Variants in VSNL1 observed in about 807,000 individuals in gnomAD.
VSNL1 encodes visinin-like protein 1.
In VSNL1, 6 loss-of-function variants were observed where a neutral mutation model predicts 20.4. That is an observed-to-expected ratio of 0.29 (90% CI 0.16 to 0.58). The LOEUF (loss-of-function observed/expected upper bound fraction) is 0.58. Among genes scored for constraint, VSNL1 ranks in the 20% least tolerant of loss-of-function variants. The pLI is 0.90. For synonymous variants in VSNL1, 93 were observed against 86.4 expected (o/e 1.08, Z -0.42); for missense variants, 100 against 234.5 (o/e 0.43, Z 3.75).
intron 1 of VSNL1, among the ~76,000 whole-genome samples, chr2:17,552,518 G>A (rs1193205192): frequency 6.6e-6 from 1 of 152,080 alleles, no homozygotes; most frequent in Non-Finnish European, 1.5e-5. Context: ...AAGCCCCCAT[G>A]TACCCATCAC....
chr2:17,619,150 T>A (rs1226144757), intron 2 of VSNL1, among the ~76,000 whole-genome samples: 24 of 152,332 alleles, frequency 1.6e-4, no homozygotes, highest in African/African-American at 5.5e-4. Flanking sequence ...TTACAGAGGA[T>A]ACCACCAGTG....
At chr2:17,546,181 A>T (rs894903459) in intron 1 of VSNL1, among the ~76,000 whole-genome samples, 3 of 152,016 alleles carry the variant, frequency 2.0e-5, no homozygotes, top group Non-Finnish European at 4.4e-5. Flanking sequence ...TATTTTTATG[A>T]GGCATTGCTT....
rs138424156 is a variant in VSNL1, at chr2:17,609,807, G to T, written c.162+17571G>T. Reference sequence around the variant, plus strand: ...CCACCAATTGATCACTTCATATGCTGTAGGTGATGGGGTTCATTTTGAAAA... The same window carrying T: ...CCACCAATTGATCACTTCATATGCTTTAGGTGATGGGGTTCATTTTGAAAA... On this transcript the variant is annotated intron_variant, in intron 2 of 3. Transcript: ENST00000295156. Among the ~76,000 whole-genome samples the T allele has an allele frequency of 1.8e-3, 268 of 152,332 alleles. 1 individual carries two copies. Among genetic ancestry groups the T allele is most frequent in the African/African-American group, 6.3e-3 (263 of 41,560 alleles).
intron 1 of VSNL1, among the ~76,000 whole-genome samples, chr2:17,550,972 A>G (rs1478988222): frequency 6.6e-6 from 1 of 152,214 alleles, no homozygotes; most frequent in African/African-American, 2.4e-5. Flanking sequence ...CATGTCTGAT[A>G]CATGTCTAAG....
chr2:17,609,589 G>A (rs1378740979), intron 2 of VSNL1, among the ~76,000 whole-genome samples: 1 of 152,168 alleles, frequency 6.6e-6, no homozygotes, highest in Non-Finnish European at 1.5e-5. Flanking sequence ...GATGGGATTT[G>A]AGGCCCTAAC....
chr2:17,628,283 G>A (rs1665555260), intron 2 of VSNL1, among the ~76,000 whole-genome samples: 1 of 152,216 alleles, frequency 6.6e-6, no homozygotes, highest in Non-Finnish European at 1.5e-5. Context: ...TTGTTAAATT[G>A]ACCTAGCATT....
chr2:17,600,766 C>T (rs1664804153), intron 2 of VSNL1, among the ~76,000 whole-genome samples: 1 of 152,122 alleles, frequency 6.6e-6, no homozygotes. Context: ...CATGTATTTC[C>T]ACTTGGAATG....
intron 2 of VSNL1, among the ~76,000 whole-genome samples, chr2:17,620,017 A>G (rs546302553): frequency 1.3e-5 from 2 of 152,256 alleles, no homozygotes; most frequent in Admixed American, 1.3e-4. Context: ...CAATCTTTCT[A>G]TATGAACTGA....
intron 2 of VSNL1, among the ~76,000 whole-genome samples, chr2:17,603,272 A>G (rs1228280754): frequency 6.6e-6 from 1 of 152,194 alleles, no homozygotes; most frequent in Non-Finnish European, 1.5e-5. Flanking sequence ...CAAGTCCAAG[A>G]CCAGGGCAGA....
At chr2:17,615,452 T>A (rs1665193545) in intron 2 of VSNL1, among the ~76,000 whole-genome samples, 1 of 152,236 alleles carries the variant, frequency 6.6e-6, no homozygotes, top group African/African-American at 2.4e-5. Context: ...TCACTATTCA[T>A]GTAAAACTAA....
rs373352640 is a variant in VSNL1 at position 17,637,935 on chromosome 2, G to A, written c.163-11475G>A. Reference sequence around the variant, plus strand: ...CTCACATAACTCCCCCACGGCCCTGGATAATGCTGAGCGGTCAAGTCAAGA... The same window carrying A: ...CTCACATAACTCCCCCACGGCCCTGAATAATGCTGAGCGGTCAAGTCAAGA... On this transcript the variant is annotated intron_variant, in intron 2 of 3. Coordinates refer to ENST00000295156, the MANE Select transcript of VSNL1 (RefSeq NM_003385.5). Among the ~76,000 whole-genome samples, 4 of 152,154 alleles carry A rather than the reference G, an allele frequency of 2.6e-5. 1 individual carries two copies. In the South Asian group the frequency reaches 8.3e-4, roughly 32 times the overall value.
intron 2 of VSNL1, among the ~76,000 whole-genome samples, chr2:17,619,887 C>A (rs1205927421): frequency 6.6e-6 from 1 of 151,898 alleles, no homozygotes; most frequent in East Asian, 1.9e-4. Context: ...GCAATCCCCC[C>A]CCAAAAGGCC....
At chr2:17,562,861 A>T (rs527263797) in intron 1 of VSNL1, among the ~76,000 whole-genome samples, 6 of 152,142 alleles carry the variant, frequency 3.9e-5, no homozygotes, top group Non-Finnish European at 8.8e-5. Context: ...TCTGTCTTCC[A>T]TTCCAAATCC....
At chr2:17,584,156 G>A (rs1664413897) in intron 1 of VSNL1, among the ~76,000 whole-genome samples, 1 of 152,068 alleles carries the variant, frequency 6.6e-6, no homozygotes, top group South Asian at 2.1e-4. Context: ...CCCTAAGACT[G>A]ACTCCAGCAC....
At chr2:17,555,319 A>G (rs1210320208) in intron 1 of VSNL1, among the ~76,000 whole-genome samples, 2 of 152,300 alleles carry the variant, frequency 1.3e-5, no homozygotes, top group East Asian at 3.9e-4. Context: ...CCTACCTGCA[A>G]TTGCCCAAAA....
At chr2:17,631,996 C>A (rs1271118437) in intron 2 of VSNL1, among the ~76,000 whole-genome samples, 3 of 152,176 alleles carry the variant, frequency 2.0e-5, no homozygotes, top group East Asian at 1.9e-4. Context: ...AAGTAATTCT[C>A]CTTCCTCAGC....
intron 2 of VSNL1, among the ~76,000 whole-genome samples, chr2:17,627,464 T>C (rs997251552): frequency 2.0e-5 from 3 of 152,168 alleles, no homozygotes; most frequent in Non-Finnish European, 4.4e-5. Context: ...ATGCAGGAGA[T>C]GAGTTTTATT....
At chr2:17,633,348 C>CAAAAAA (rs10706048) in intron 2 of VSNL1, among the ~76,000 whole-genome samples, 14 of 50,544 alleles carry the variant, frequency 2.8e-4, no homozygotes, top group African/African-American at 8.4e-4. Context: ...ACTAAAAATA[C>CAAAAAA]AAAAAAAAAA....
At chr2:17,621,622 A>G (rs1401074988) in intron 2 of VSNL1, among the ~76,000 whole-genome samples, 3 of 151,036 alleles carry the variant, frequency 2.0e-5, no homozygotes, top group Non-Finnish European at 3.0e-5. Flanking sequence ...CCGTGCCTCT[A>G]CTCTTTTGTT....
Sources: allele counts gnomAD v4.1 joint callset (sites outside exome capture counted in the v4.1 genomes callset), GRCh38; gene constraint gnomAD v4.1.1; transcripts MANE v1.5; gene names NCBI Gene and HGNC (gene_info 2026-07-23, HGNC 2026-07-21).